The following SLC46A3 variants were observed in gnomAD, a reference collection of about 807,000 sequenced individuals.
SLC46A3 encodes the protein lysosomal proton-coupled steroid conjugate and bile acid symporter SLC46A3.
In SLC46A3, 26 loss-of-function variants were observed where a neutral mutation model predicts 38.5. That is an observed-to-expected ratio of 0.68 (90% CI 0.49 to 0.94). SLC46A3 has a LOEUF of 0.94. Among genes scored for constraint, SLC46A3 ranks in the 40% least tolerant of loss-of-function variants. SLC46A3 has a pLI of 0.00. For synonymous variants in SLC46A3, 185 were observed against 192.5 expected (o/e 0.96, Z 0.32); for missense variants, 510 against 544.3 (o/e 0.94, Z 0.63).
rs536813326 is a variant in SLC46A3 at position 28,704,128 on chromosome 13, A to G, written c.1145-29T>C. On this transcript the variant is annotated intron_variant, in intron 4 of 5. Transcript: ENST00000266943. ...TTTGGAGTAGGGATAGAGAGAGAGG[A>G]AAAAAAAAAGGCAGAATTACAAAAC... 560 of 1,300,856 alleles carry G rather than the reference A, an allele frequency of 4.3e-4. No individual in the cohort carries two copies. In the African/African-American group the frequency reaches 8.7e-3, roughly 20 times the overall value. The allele number at this position is 1,300,856 out of a possible 1,614,324, so 80.6% of individuals were successfully genotyped here.
chr13:28,701,015 A>G lies in SLC46A3; in HGVS notation c.*482T>C. On this transcript the variant is annotated 3_prime_UTR_variant, in exon 6 of 6. Coordinates refer to ENST00000266943, the MANE Select transcript of SLC46A3 (RefSeq NM_181785.4). ...ATCATACATATTTGAAACTTATATC[A>G]TTATTTTCCTACCAATGAGTGATTC... 6.6e-7 allele frequency: 1 copy of G among 1,525,266 alleles called. No individual in the cohort carries two copies. Among genetic ancestry groups the G allele is most frequent in the Non-Finnish European group, 8.8e-7 (1 of 1,135,476 alleles). The allele number at this position is 1,525,266 out of a possible 1,614,324, so 94.5% of individuals were successfully genotyped here.
chr13:28,702,379 T>A (rs12859269), intron 5 of SLC46A3, among the ~76,000 whole-genome samples: 49,022 of 152,166 alleles, frequency 0.32, 8,843 homozygotes, highest in Non-Finnish European at 0.4. Context: ...CACTTAAAAT[T>A]TTTTTGCTGT....
Position 28,713,314 on chromosome 13 carries a change from G to T in SLC46A3, c.426C>A (p.Gly142=). The T allele has an allele frequency of 1.9e-6, 3 of 1,613,944 alleles. No homozygotes were observed. The highest frequency in any genetic ancestry group is 2.5e-6 in the Non-Finnish European group (3 of 1,180,034). Residue 142 remains glycine, a synonymous_variant, in exon 3 of 6, where the codon GGC becomes GGA. Transcript: ENST00000266943. The stretch of plus-strand genomic sequence containing the variant: ...AAGCTCCCCAAAATGTGGTATAATT[G>T]CCACAAAATGCACCAATGAAGGTAG... ...IASTFIGAFC[G]NYTTFWGACF... is the part of the protein sequence containing the mutation.
At position 28,712,975 on chromosome 13, in the gene SLC46A3, C is replaced by T. The variant is rs1885402636; in HGVS notation, c.765G>A (p.Lys255=). The T allele has an allele frequency of 1.9e-6, 3 of 1,613,102 alleles. No individual in the cohort carries two copies. Among genetic ancestry groups the T allele is most frequent in the Non-Finnish European group, 1.7e-6 (2 of 1,179,870 alleles). The part of the protein sequence containing the change: ...TYMLFKNASG[K]RRFLLCLLLF... ...GTAACAAACAGAGCAAAAATCGTCTCTTACCAGAAGCATTCTTAAAAAGCA... is the reference window on the plus strand; with the variant it reads ...GTAACAAACAGAGCAAAAATCGTCTTTTACCAGAAGCATTCTTAAAAAGCA... Residue 255 remains lysine (K), a synonymous_variant, in exon 3 of 6, where the codon AAG becomes AAA. Transcript: ENST00000266943.
At chr13:28,708,209 A>G (rs900358994) in intron 4 of SLC46A3, among the ~76,000 whole-genome samples, 1 of 152,204 alleles carries the variant, frequency 6.6e-6, no homozygotes, top group Non-Finnish European at 1.5e-5. Context: ...TTGCTGAGTC[A>G]TAAGGCAACT....
chr13:28,716,501 C>G (rs1149229), intron 2 of SLC46A3, among the ~76,000 whole-genome samples: 1 of 152,064 alleles, frequency 6.6e-6, no homozygotes, highest in Non-Finnish European at 1.5e-5. Context: ...TAAACACTTA[C>G]AAAAAGAAAC....
At chr13:28,701,630 A>C in intron 5 of SLC46A3, 49 bp from the exon 6 acceptor site, 1 of 1,549,594 alleles carries the variant, frequency 6.5e-7, no homozygotes, top group South Asian at 1.2e-5. Flanking sequence ...GACAATACAT[A>C]AATAAGTAAT....
At position 28,700,993 on chromosome 13, in the gene SLC46A3, A is replaced by C; in HGVS notation, c.*504T>G. ...AGCATTACCAAGTATAGGTAAAATC[A>C]TACATATTTGAAACTTATATCATTA... On this transcript the variant is annotated 3_prime_UTR_variant, in exon 6 of 6. Coordinates refer to ENST00000266943, the MANE Select transcript of SLC46A3 (RefSeq NM_181785.4). The C allele has an allele frequency of 1.3e-6, 2 of 1,525,518 alleles. No individual in the cohort carries two copies. The highest frequency in any genetic ancestry group is 1.8e-6 in the Non-Finnish European group (2 of 1,132,966). 94.5% of individuals were successfully genotyped at this position (1,525,518 alleles called of 1,614,324 possible).
chr13:28,715,330 G>A (rs1885496573), intron 2 of SLC46A3, among the ~76,000 whole-genome samples: 1 of 152,256 alleles, frequency 6.6e-6, no homozygotes, highest in East Asian at 1.9e-4. Flanking sequence ...GCAGTAGGGG[G>A]CTCTCAGCAG....
Position 28,713,297 on chromosome 13 carries a change from C to T in SLC46A3, c.443G>A (p.Trp148Ter). 1 of 1,613,912 alleles carries T rather than the reference C, an allele frequency of 6.2e-7. No homozygotes were observed. Among genetic ancestry groups the T allele is most frequent in the Non-Finnish European group, 8.5e-7 (1 of 1,180,024 alleles). Residue 148 changes from tryptophan to a stop codon, truncating the protein, a stop_gained, in exon 3 of 6, where the codon TGG (tryptophan) becomes TAG (stop). Coordinates refer to ENST00000266943, the MANE Select transcript of SLC46A3 (RefSeq NM_181785.4). LOFTEE classifies it high-confidence loss of function. ...AACTATATAGGCAAAGCAAGCTCCC[C>T]AAAATGTGGTATAATTGCCACAAAA... Reference protein sequence around the residue: ...GAFCGNYTTFWGACFAYIVDQ... With the variant: ...GAFCGNYTTF
At chr13:28,716,543 A>G (rs1885533473) in intron 2 of SLC46A3, among the ~76,000 whole-genome samples, 1 of 152,066 alleles carries the variant, frequency 6.6e-6, no homozygotes, top group Admixed American at 6.5e-5. Context: ...CACTCCCGGG[A>G]ATGACCTAGG....
At chr13:28,708,418 C>T (rs929937809) in intron 4 of SLC46A3, among the ~76,000 whole-genome samples, 4 of 152,116 alleles carry the variant, frequency 2.6e-5, no homozygotes, top group Admixed American at 6.5e-5. Flanking sequence ...CATTTTCATG[C>T]GCATATTGGT....
intron 5 of SLC46A3, among the ~76,000 whole-genome samples, chr13:28,702,396 C>T (rs144609473): frequency 3.9e-5 from 6 of 152,166 alleles, no homozygotes; most frequent in South Asian, 2.1e-4. Flanking sequence ...CTGTAATTAA[C>T]GTTTTTATAT....
Position 28,701,523 on chromosome 13 carries a change from A to G in SLC46A3, c.1360T>C (p.Ser454Pro). Reference protein sequence around the residue: ...GSYELLIQEESSEDASDR With the variant: ...GSYELLIQEEPSEDASDR ...CACCTGTCTGAAGCATCTTCACTGG[A>G]TTCTTCTTGTATAAGAAGTTCATAG... The change falls in exon 6 of 6, where the codon TCC becomes CCC. Residue 454 changes from serine (S) to proline (P), a missense_variant. By Grantham distance (74) the Ser-to-Pro change is moderately conservative. Transcript: ENST00000266943. The G allele has an allele frequency of 6.2e-7, 1 of 1,613,444 alleles. No homozygotes were observed. The highest frequency in any genetic ancestry group is 8.5e-7 in the Non-Finnish European group (1 of 1,179,538).
Position 28,710,663 on chromosome 13 carries a change from G to A in SLC46A3, c.1144+97C>T, listed in dbSNP as rs1885315571. ...TCAAAAGGAGATCCGTGCATAAAAA[G>A]GGCTGTAGAATATTCTGAAGCATTA... On this transcript the variant is annotated intron_variant, in intron 4 of 5. Coordinates refer to ENST00000266943, the MANE Select transcript of SLC46A3 (RefSeq NM_181785.4). 2.7e-5 allele frequency: 25 copies of A among 917,442 alleles called. No individual in the cohort carries two copies. The South Asian group carries it at 3.4e-4, about 13-fold the overall frequency. 56.8% of individuals were successfully genotyped at this position (917,442 alleles called of 1,614,324 possible).
rs565006152 is a variant in SLC46A3, at chr13:28,703,680, T to TA, written c.1301+262dup. 4.3e-4 allele frequency: 86 copies of TA among 200,072 alleles called. 1 individual carries two copies. The East Asian group carries it at 8.9e-3, about 21-fold the overall frequency. The allele number at this position is 200,072 out of a possible 1,614,324, so 12.4% of individuals were successfully genotyped here. On this transcript the variant is annotated intron_variant, in intron 5 of 5. Transcript: ENST00000266943. ...CCACCATGACCGGTTCTCTTTTTTTTAATTAAAAAAATTTATTTTATTAAA... is the reference window on the plus strand; with the variant it reads ...CCACCATGACCGGTTCTCTTTTTTTTAAATTAAAAAAATTTATTTTATTAAA...
At chr13:28,705,308 GGAA>G (rs1259816163) in intron 4 of SLC46A3, among the ~76,000 whole-genome samples, 12 of 152,174 alleles carry the variant, frequency 7.9e-5, no homozygotes, top group Admixed American at 7.9e-4. Context: ...TGGACTGATA[GGAA>G]GGAAATGGCC....
chr13:28,710,009 G>A (rs1593187900), intron 4 of SLC46A3, among the ~76,000 whole-genome samples: 2 of 152,158 alleles, frequency 1.3e-5, no homozygotes, highest in African/African-American at 4.8e-5. Flanking sequence ...TTGAAATCTG[G>A]CCAACAAACT....
chr13:28,700,931 G>T lies in SLC46A3; in HGVS notation c.*566C>A. ...TCAGAAGTCACAGTATATAAGCTCCGACTATCAATAGCAGCTTAACAGGCT... is the reference window on the plus strand; with the variant it reads ...TCAGAAGTCACAGTATATAAGCTCCTACTATCAATAGCAGCTTAACAGGCT... On this transcript the variant is annotated 3_prime_UTR_variant, in exon 6 of 6. Coordinates refer to ENST00000266943, the MANE Select transcript of SLC46A3 (RefSeq NM_181785.4). 6.7e-7 allele frequency: 1 copy of T among 1,495,312 alleles called. No homozygotes were observed. Among genetic ancestry groups the T allele is most frequent in the Non-Finnish European group, 9.1e-7 (1 of 1,097,080 alleles). 92.6% of individuals were successfully genotyped at this position (1,495,312 alleles called of 1,614,324 possible).
Sources: gnomAD v4.1 joint callset for allele counts (sites outside exome capture counted in the v4.1 genomes callset) on GRCh38, gnomAD v4.1.1 for gene constraint, MANE v1.5 for transcripts, NCBI Gene and HGNC (gene_info 2026-07-23, HGNC 2026-07-21) for gene names.